The following SMTN variants were observed in gnomAD, a reference collection of about 807,000 sequenced individuals.
SMTN encodes the protein smoothelin.
Under a neutral mutation model 102.0 loss-of-function variants are expected in SMTN, and 58 were observed. That is an observed-to-expected ratio of 0.57 (90% confidence interval 0.46 to 0.71). The LOEUF (loss-of-function observed/expected upper bound fraction) is 0.71. Ranked by LOEUF, SMTN falls within the 30% of genes least tolerant of loss-of-function variation. SMTN has a pLI of 0.00. For missense variants in SMTN, 1,185 were observed against 1,241.7 expected (o/e 0.95, Z 0.69); for synonymous variants, 478 against 497.9 (o/e 0.96, Z 0.53).
intron 18 of SMTN, 98 bp from the exon 19 acceptor site, chr22:31,099,647 T>C: frequency 7.4e-7 from 1 of 1,358,372 alleles, no homozygotes; most frequent in East Asian, 2.3e-5. Context: ...GGCCTCTTTG[T>C]GCCCAGTGCC....
intron 2 of SMTN, chr22:31,087,030 C>G (rs1452462194): frequency 6.6e-6 from 1 of 152,242 alleles, no homozygotes; most frequent in African/African-American, 2.4e-5. Flanking sequence ...TTACTGGCTC[C>G]CGTCTGGTTA....
At chr22:31,084,051 G>A (rs1466831258) in intron 2 of SMTN, among the ~76,000 whole-genome samples, 1 of 152,216 alleles carries the variant, frequency 6.6e-6, no homozygotes, top group East Asian at 1.9e-4. Flanking sequence ...AGTTGGCATG[G>A]GGACAGAATG....
chr22:31,069,033 A>G (rs554533526), intron 1 of SMTN, among the ~76,000 whole-genome samples: 1 of 152,296 alleles, frequency 6.6e-6, no homozygotes, highest in Non-Finnish European at 1.5e-5. Flanking sequence ...CATCTTATCT[A>G]TGAAGCCCTA....
chr22:31,083,039 A>G (rs1352919482), intron 1 of SMTN, 140 bp from the exon 2 acceptor site: 1 of 1,408,018 alleles, frequency 7.1e-7, no homozygotes, highest in Non-Finnish European at 9.8e-7. Flanking sequence ...GGCAGAGGGC[A>G]GCTTCCAGCC....
At chr22:31,090,492 C>G (rs981181499) in intron 8 of SMTN, among the ~76,000 whole-genome samples, 5 of 152,112 alleles carry the variant, frequency 3.3e-5, no homozygotes, top group Admixed American at 6.5e-5. Context: ...GGAGGGCTGT[C>G]CCCCCTCCCC....
rs997360451 is a variant in SMTN, at chr22:31,085,426, C to T, written c.51+2117C>T. Reference sequence around the variant, plus strand: ...CAACCGGGGGAGCTGGGACTGAAAGCCTGGAGAGCCCCCTCCGTTGTGCTG... The same window carrying T: ...CAACCGGGGGAGCTGGGACTGAAAGTCTGGAGAGCCCCCTCCGTTGTGCTG... On this transcript the variant is annotated intron_variant, in intron 2 of 20. Transcript: ENST00000333137. The T allele has an allele frequency of 2.4e-5, 18 of 751,888 alleles. No individual in the cohort carries two copies. The Middle Eastern group carries it at 1.1e-3, about 48-fold the overall frequency. 46.6% of individuals were successfully genotyped at this position (751,888 alleles called of 1,614,324 possible). A position where few individuals can be genotyped will look rare whatever the true frequency, so the allele number is the denominator to read the frequency against.
chr22:31,083,858 C>T (rs751915227), intron 2 of SMTN, among the ~76,000 whole-genome samples: 74 of 152,164 alleles, frequency 4.9e-4, no homozygotes, highest in Admixed American at 8.5e-4. Context: ...TAGTGGGCCA[C>T]GGGGGACCAG....
At chr22:31,088,648 G>A in intron 4 of SMTN, 42 bp downstream of exon 4, 1 of 1,612,476 alleles carries the variant, frequency 6.2e-7, no homozygotes, top group East Asian at 2.2e-5. Context: ...CAGGGCAGGT[G>A]AAGACCTGGA....
At chr22:31,089,490 A>G (rs1261285624) in intron 6 of SMTN, among the ~76,000 whole-genome samples, 1 of 152,176 alleles carries the variant, frequency 6.6e-6, no homozygotes, top group Non-Finnish European at 1.5e-5. Context: ...CCCTTTGGCT[A>G]GGTAGTGCCA....
At chr22:31,098,616 T>G (rs1192368358) in intron 16 of SMTN, 51 bp from the exon 17 acceptor site, 4 of 1,579,480 alleles carry the variant, frequency 2.5e-6, no homozygotes, top group Admixed American at 3.4e-5. Flanking sequence ...TGGTCCAGGC[T>G]GGGGAGCAGC....
Position 31,091,166 on chromosome 22 carries a change from C to T in SMTN, c.1143C>T (p.Ser381=), listed in dbSNP as rs939096800. Reference sequence around the variant, plus strand: ...CCCCTGCCTCCTCCTCCAGCGGCTCCTCCTCTCGGGGCCCCAGTGATACCT... The same window carrying T: ...CCCCTGCCTCCTCCTCCAGCGGCTCTTCCTCTCGGGGCCCCAGTGATACCT... ...STTPASSSSG[S]SSRGPSDTSS... Residue 381 remains serine (S), a synonymous_variant, in exon 10 of 21, where the codon TCC becomes TCT. Coordinates refer to ENST00000333137, the MANE Select transcript of SMTN (RefSeq NM_134269.3). The T allele has an allele frequency of 6.2e-7, 1 of 1,613,664 alleles. No homozygotes were observed. Among genetic ancestry groups the T allele is most frequent in the Non-Finnish European group, 8.5e-7 (1 of 1,179,858 alleles).
Position 31,095,907 on chromosome 22 carries a change from G to T in SMTN, c.1861+298G>T. 1 of 458,438 alleles carries T rather than the reference G, an allele frequency of 2.2e-6. No homozygotes were observed. The highest frequency in any genetic ancestry group is 3.9e-6 in the Non-Finnish European group (1 of 254,644). 28.4% of individuals were successfully genotyped at this position (458,438 alleles called of 1,614,324 possible). On this transcript the variant is annotated intron_variant, in intron 13 of 20. Transcript: ENST00000333137. This position sits in a 1 kb window ranked among gnomAD's most constrained non-coding sequence, Gnocchi z 4.1. The stretch of plus-strand genomic sequence containing the variant: ...TCCTTGGATCCAGTTGCCTCTCAAA[G>T]TACTGTCAACGACTCCTTCCCTGAA...
chr22:31,098,237 G>A (rs1470801576), intron 16 of SMTN, among the ~76,000 whole-genome samples: 2 of 152,204 alleles, frequency 1.3e-5, no homozygotes, highest in Non-Finnish European at 2.9e-5. Flanking sequence ...AGAGGTCTCA[G>A]TTTCCTCACC....
intron 20 of SMTN, chr22:31,103,801 C>G (rs1051667300): frequency 6.4e-6 from 1 of 155,780 alleles, no homozygotes; most frequent in African/African-American, 2.4e-5. Context: ...GAATAGGGGT[C>G]CCTGGGCCTC....
In SMTN at chr22:31,089,810, C is replaced by T. The variant is rs1351999947; in HGVS notation, c.583C>T (p.Pro195Ser). 1.2e-6 allele frequency: 2 copies of T among 1,613,692 alleles called. No individual in the cohort carries two copies. Residue 195 changes from proline (P) to serine (S), a missense_variant, in exon 7 of 21, where the codon CCT becomes TCT. This residue lies in a region of SMTN where 1,096 missense variants were observed against 1,112.7 expected (regional missense o/e 0.98). Transcript: ENST00000333137. Reference protein sequence around the residue: ...TTVTLLLRAPPGSTSSSPASP... With the variant: ...TTVTLLLRAPSGSTSSSPASP... ...AGTGACACTCCTGCTGCGAGCCCCA[C>T]CTGGGAGCACATCCAGCTCACCTGC...
chr22:31,087,963 A>C lies in SMTN; in HGVS notation c.52-2A>C, dbSNP rs1187214767. 6.3e-7 allele frequency: 1 copy of C among 1,586,482 alleles called. No individual in the cohort carries two copies. On this transcript the variant is annotated splice_acceptor_variant, in intron 2 of 20. Coordinates refer to ENST00000333137, the MANE Select transcript of SMTN (RefSeq NM_134269.3). LOFTEE classifies it high-confidence loss of function. ...ATGACCTGCCTCTCGCACCCACTGC[A>C]GCTGGAGGTCACAGCAGATCTGGCA... is the stretch of plus-strand genomic sequence containing the variant.
At chr22:31,087,922 GC>G in intron 2 of SMTN, 42 bp from the exon 3 acceptor site, 1 of 1,537,034 alleles carries the variant, frequency 6.5e-7, no homozygotes, top group East Asian at 2.3e-5. Context: ...CCAGCCCTCC[GC>G]CCCTGGCAGC....
chr22:31,069,057 T>C lies in SMTN; in HGVS notation c.-386+4870T>C, dbSNP rs191363324. On this transcript the variant is annotated intron_variant, in intron 1 of 3. Coordinates refer to the SMTN transcript ENST00000422839. ...TATGAAGCCCTAAGCGATTCAGAAG[T>C]CAAACATCAGGTTGGGGCTAGTTGT... 1.1e-3 allele frequency among the ~76,000 whole-genome samples: 166 copies of C among 152,182 alleles called. 1 individual carries two copies. The highest frequency in any genetic ancestry group is 3.8e-3 in the African/African-American group (158 of 41,536).
intron 16 of SMTN, 31 bp downstream of exon 16, chr22:31,097,369 G>A: frequency 1.3e-6 from 2 of 1,599,054 alleles, no homozygotes; most frequent in Non-Finnish European, 1.7e-6. Flanking sequence ...CCTGACCATA[G>A]AGGAGTCAGT....
Sources: gnomAD v4.1 joint callset for allele counts (sites outside exome capture counted in the v4.1 genomes callset) on GRCh38, gnomAD v4.1.1 for gene constraint, gnomAD v4.1.1 regional missense constraint, Gnocchi (gnomAD v3.1) non-coding constraint, MANE v1.5 for transcripts, NCBI Gene and HGNC (gene_info 2026-07-23, HGNC 2026-07-21) for gene names.